COLEC11: variants seen among roughly 807,000 people sequenced by gnomAD.
COLEC11 encodes the protein collectin-11.
Under a neutral mutation model 27.3 loss-of-function variants are expected in COLEC11, and 20 were observed. The ratio of observed to expected loss-of-function variants is 0.73; its 90% CI spans 0.51 to 1.06. The LOEUF is 1.06. Among genes scored for constraint, COLEC11 ranks in the 50% least tolerant of loss-of-function variants. The pLI, the probability that COLEC11 is intolerant of heterozygous loss-of-function variation, is 0.00. For missense variants in COLEC11, 310 were observed against 383.0 expected, an observed-to-expected ratio of 0.81 and a Z score of 1.59; for synonymous variants, 163 against 154.7, an observed-to-expected ratio of 1.05 and a Z score of -0.40.
At chr2:3,608,942 G>C (rs1045836056) in intron 2 of COLEC11, among the ~76,000 whole-genome samples, 4 of 152,240 alleles carry the variant, frequency 2.6e-5, no homozygotes, top group Non-Finnish European at 4.4e-5. Context: ...CCCCATCAGA[G>C]CTGAGGAGGA....
chr2:3,598,029 G>A (rs759715882), intron 1 of COLEC11, among the ~76,000 whole-genome samples: 1 of 151,868 alleles, frequency 6.6e-6, no homozygotes, highest in African/African-American at 2.4e-5. Context: ...TCCACCTCCC[G>A]GGTTCAAGCG....
rs1380657827 is a variant in COLEC11, at chr2:3,637,540, G to A, written c.210G>A (p.Met70Ile). The A allele has an allele frequency of 6.2e-7, 1 of 1,614,032 alleles. No homozygotes were observed. Among genetic ancestry groups the A allele is most frequent in the Non-Finnish European group, 8.5e-7 (1 of 1,179,908 alleles). The change falls in exon 4 of 7, where the codon ATG becomes ATA. Residue 70 changes from methionine to isoleucine, a missense_variant. Physicochemically the swap from Met to Ile is conservative, Grantham distance 10 (BLOSUM62 1). Coordinates refer to ENST00000349077, the MANE Select transcript of COLEC11 (RefSeq NM_024027.5). The stretch of plus-strand genomic sequence containing the variant: ...TCTTATTGTTTTCTACAGGAGACAT[G>A]GGGGACAAAGGACAGAAAGGCAGTG... ...RVGPTGEKGD[M>I]GDKGQKGSVG...
chr2:3,622,280 A>T (rs1009607468), intron 3 of COLEC11, among the ~76,000 whole-genome samples: 4 of 152,080 alleles, frequency 2.6e-5, no homozygotes, highest in Non-Finnish European at 5.9e-5. Context: ...GTGAGCTATG[A>T]TGATGTCACT....
chr2:3,632,824 G>A (rs1438718696), intron 3 of COLEC11, among the ~76,000 whole-genome samples: 1 of 152,204 alleles, frequency 6.6e-6, no homozygotes, highest in Admixed American at 6.5e-5. Flanking sequence ...CACTTGGAGA[G>A]GGGCAGCGTC....
At chr2:3,623,218 T>G (rs1369742144) in intron 3 of COLEC11, among the ~76,000 whole-genome samples, 1 of 152,216 alleles carries the variant, frequency 6.6e-6, no homozygotes, top group Non-Finnish European at 1.5e-5. Context: ...TTCAAAATTC[T>G]CTTCTCGTCT....
At chr2:3,611,297 G>A (rs779470693) in intron 2 of COLEC11, among the ~76,000 whole-genome samples, 3 of 152,176 alleles carry the variant, frequency 2.0e-5, no homozygotes, top group South Asian at 2.1e-4. Flanking sequence ...CTGGGTCACC[G>A]GGGACTCGCC....
At chr2:3,610,741 C>T (rs75610237) in intron 2 of COLEC11, among the ~76,000 whole-genome samples, 4 of 152,204 alleles carry the variant, frequency 2.6e-5, no homozygotes, top group African/African-American at 4.8e-5. Context: ...TGCCTGGCTA[C>T]CCCTGCTCAG....
At chr2:3,624,993 A>AT (rs1252109360) in intron 3 of COLEC11, among the ~76,000 whole-genome samples, 2 of 152,200 alleles carry the variant, frequency 1.3e-5, no homozygotes, top group African/African-American at 4.8e-5. Flanking sequence ...AGATTGATAG[A>AT]TTTACAGAGG....
chr2:3,637,299 G>A lies in COLEC11; in HGVS notation c.203-234G>A, dbSNP rs11884663. 7.0e-3 allele frequency among the ~76,000 whole-genome samples: 1,071 copies of A among 152,296 alleles called. 15 individuals carry two copies. The highest frequency in any genetic ancestry group is 0.025 in the African/African-American group (1,032 of 41,548). ...CCGTTCAGCCCCTCCATTCTATAGT[G>A]TGTATGACTTCTGGGGGAAGTGCAT... On this transcript the variant is annotated intron_variant, in intron 3 of 6. Coordinates refer to ENST00000349077, the MANE Select transcript of COLEC11 (RefSeq NM_024027.5).
Position 3,627,601 on chromosome 2 carries a change from G to A in COLEC11, c.203-9932G>A, listed in dbSNP as rs921256141. Reference sequence around the variant, plus strand: ...TGGGCATGATGGCTCTGGGCACAACGATGCTGGGCATGAAGATGGGACACG... The same window carrying A: ...TGGGCATGATGGCTCTGGGCACAACAATGCTGGGCATGAAGATGGGACACG... On this transcript the variant is annotated intron_variant, in intron 3 of 6. Transcript: ENST00000349077. 3.4e-5 allele frequency among the ~76,000 whole-genome samples: 5 copies of A among 149,194 alleles called. No homozygotes were observed. In the East Asian group the frequency reaches 6.1e-4, roughly 18 times the overall value.
At chr2:3,607,369 T>G (rs1463356863) in intron 2 of COLEC11, among the ~76,000 whole-genome samples, 5 of 152,164 alleles carry the variant, frequency 3.3e-5, no homozygotes, top group African/African-American at 9.6e-5. Flanking sequence ...AACATTTATC[T>G]GTATTAACAA....
intron 3 of COLEC11, among the ~76,000 whole-genome samples, chr2:3,634,463 C>G (rs1297364466): frequency 6.6e-6 from 1 of 152,224 alleles, no homozygotes; most frequent in Admixed American, 6.5e-5. Flanking sequence ...ACCGTGCCTC[C>G]TCCTGCAGCA....
At chr2:3,638,867 G>A (rs1665640631) in intron 4 of COLEC11, among the ~76,000 whole-genome samples, 1 of 152,092 alleles carries the variant, frequency 6.6e-6, no homozygotes, top group Non-Finnish European at 1.5e-5. Context: ...TACAATTCAG[G>A]GACATTGAGT....
chr2:3,603,364 T>C (rs999534428), intron 1 of COLEC11: 2 of 333,252 alleles, frequency 6.0e-6, no homozygotes, highest in Non-Finnish European at 1.1e-5. Flanking sequence ...TCATGCAGGC[T>C]GGAGTGTAGT....
rs1050728849 is a variant in COLEC11, at chr2:3,604,192, G to A, written c.-26-123G>A. 29 of 1,044,804 alleles carry A rather than the reference G, an allele frequency of 2.8e-5. No homozygotes were observed. The African/African-American group carries it at 3.6e-4, about 13-fold the overall frequency. The allele number at this position is 1,044,804 out of a possible 1,614,324, so 64.7% of individuals were successfully genotyped here. A position where few individuals can be genotyped will look rare whatever the true frequency, so the allele number is the denominator to read the frequency against. On this transcript the variant is annotated intron_variant, in intron 1 of 6. Transcript: ENST00000349077. ...GAGTGAGTGAGGAGCACCCGCCATG[G>A]GGGCCCAGACAGCCCTTCCAGGCAC...
At chr2:3,631,260 A>G (rs67343770) in intron 3 of COLEC11, among the ~76,000 whole-genome samples, 24,100 of 152,066 alleles carry the variant, frequency 0.16, 4,259 homozygotes, top group African/African-American at 0.44. Context: ...AAAAAAAAAG[A>G]TGCTTAGGCA....
At chr2:3,611,875 A>G (rs1281933349) in intron 2 of COLEC11, among the ~76,000 whole-genome samples, 2 of 152,092 alleles carry the variant, frequency 1.3e-5, no homozygotes, top group Admixed American at 6.5e-5. Context: ...GTGGGCCACA[A>G]CGTGTGTGGG....
intron 3 of COLEC11, among the ~76,000 whole-genome samples, chr2:3,613,769 C>A (rs1663424029): frequency 6.6e-6 from 1 of 152,180 alleles, no homozygotes; most frequent in African/African-American, 2.4e-5. Flanking sequence ...CGTCTGTCTC[C>A]TCCTTCGTAA....
intron 2 of COLEC11, among the ~76,000 whole-genome samples, chr2:3,609,637 C>T (rs1663035969): frequency 6.6e-6 from 1 of 151,942 alleles, no homozygotes. Flanking sequence ...TCAAGCGATT[C>T]TCCTGCCTCA....
Sources: allele counts gnomAD v4.1 joint callset (sites outside exome capture counted in the v4.1 genomes callset), GRCh38; gene constraint gnomAD v4.1.1; transcripts MANE v1.5; gene names NCBI Gene and HGNC (gene_info 2026-07-23, HGNC 2026-07-21).